Variants in REV3L observed in about 807,000 individuals in gnomAD.
REV3L encodes REV3 like, DNA directed polymerase zeta catalytic subunit, also known as DNA polymerase zeta catalytic subunit.
A neutral mutation model predicts 299.4 loss-of-function variants in REV3L; 69 were observed. The observed-to-expected ratio is 0.23, with a 90% confidence interval of 0.19 to 0.28. The LOEUF (loss-of-function observed/expected upper bound fraction) is 0.28, where lower values mean the gene tolerates loss of function less well. Ranked by LOEUF, REV3L falls within the 10% of genes least tolerant of loss-of-function variation. The probability of loss-of-function intolerance (pLI) is 1.00; values close to 1 mark genes in which losing one functional copy is unlikely to be tolerated. For synonymous variants in REV3L, 1,238 were observed against 1,271.4 expected (o/e 0.97, Z 0.56); for missense variants, 3,128 against 3,693.8 (o/e 0.85, Z 3.97).
At chr6:111,304,685 G>A (rs2114692984) in intron 31 of REV3L, among the ~76,000 whole-genome samples, 1 of 151,164 alleles carries the variant, frequency 6.6e-6, no homozygotes, top group Non-Finnish European at 1.5e-5. Flanking sequence ...TGATGTTGAG[G>A]TTTGAGCTTC....
At position 111,363,954 on chromosome 6, in the gene REV3L, G is replaced by T. The variant is rs1304019272; in HGVS notation, c.6778C>A (p.Pro2260Thr). The T allele has an allele frequency of 4.3e-6, 7 of 1,612,354 alleles. No individual in the cohort carries two copies. In the African/African-American group the frequency reaches 9.4e-5, roughly 22 times the overall value. Reference sequence around the variant, plus strand: ...TCAATCTGAGAAGTTTCTTTCTGTGGGGTATTTACTGCTGCAAATTGATTC... The same window carrying T: ...TCAATCTGAGAAGTTTCTTTCTGTGTGGTATTTACTGCTGCAAATTGATTC... ...AKNQFAAVNTPQKETSQIDGP... is the reference protein window; with the variant it reads ...AKNQFAAVNTTQKETSQIDGP... Residue 2260 changes from proline to threonine, a missense_variant, in exon 16 of 32, where the codon CCA (proline) becomes ACA (threonine). By Grantham distance (38) the Pro-to-Thr change is conservative (BLOSUM62 -1). This residue lies in a region of REV3L where 2,409 missense variants were observed against 2,611.8 expected (regional missense o/e 0.92). Transcript: ENST00000368802.
chr6:111,482,710 G>C (rs991699933), intron 1 of REV3L, 40 bp downstream of exon 1: 38 of 1,205,046 alleles, frequency 3.2e-5, no homozygotes, highest in Non-Finnish European at 3.6e-5. Context: ...CCGGCGCCCC[G>C]CCGACTCCCG....
At position 111,392,940 on chromosome 6, in the gene REV3L, T is replaced by C; in HGVS notation, c.598A>G (p.Asn200Asp). ...GCAAGAGAATTTCCTGATAAATGAT[T>C]CTTGCAGGATCCAGTTGCATGCAAT... is the stretch of plus-strand genomic sequence containing the variant. ...NTLHATGSCK[N>D]HLSGNSLADT... is the part of the protein sequence containing the mutation. Residue 200 changes from asparagine to aspartate, a missense_variant, in exon 5 of 32, where the codon AAT (asparagine) becomes GAT (aspartate). By Grantham distance (23) the Asn-to-Asp change is conservative. This residue lies in a region of REV3L where 2,409 missense variants were observed against 2,611.8 expected (regional missense o/e 0.92). Transcript: ENST00000368802. 1 of 1,612,046 alleles carries C rather than the reference T, an allele frequency of 6.2e-7. No individual in the cohort carries two copies. The highest frequency in any genetic ancestry group is 8.5e-7 in the Non-Finnish European group (1 of 1,178,252).
At chr6:111,474,984 T>TATATATACAC (rs1792738386) in intron 1 of REV3L, among the ~76,000 whole-genome samples, 1 of 13,460 alleles carries the variant, frequency 7.4e-5, no homozygotes, top group African/African-American at 2.4e-4. Context: ...TAGCTGCCTA[T>TATATATACAC]ATATACACAC....
At chr6:111,408,835 C>G (rs2128278243) in intron 3 of REV3L, among the ~76,000 whole-genome samples, 1 of 152,188 alleles carries the variant, frequency 6.6e-6, no homozygotes, top group South Asian at 2.1e-4. Flanking sequence ...TAGGTGCTTG[C>G]CACAAGCCCA....
chr6:111,423,327 C>T (rs574015606), intron 1 of REV3L, among the ~76,000 whole-genome samples: 1 of 152,238 alleles, frequency 6.6e-6, no homozygotes, highest in East Asian at 1.9e-4. Context: ...GAGGAAGTGA[C>T]ATTTGAGCTG....
At chr6:111,483,424 G>T, upstream of REV3L, 1 of 432,224 alleles carries the variant, frequency 2.3e-6, no homozygotes, top group Non-Finnish European at 4.2e-6. Flanking sequence ...GCGCCCGCGC[G>T]GGATCGATGA....
At chr6:111,312,599 C>A in intron 28 of REV3L, 1 of 152,218 alleles carries the variant, frequency 6.6e-6, no homozygotes, top group Non-Finnish European at 1.5e-5. Context: ...CACTCTCTTG[C>A]CCAGGCTGAG....
intron 1 of REV3L, among the ~76,000 whole-genome samples, chr6:111,450,731 GA>G (rs1156285967): frequency 1.3e-5 from 2 of 152,030 alleles, no homozygotes; most frequent in African/African-American, 4.8e-5. Flanking sequence ...GATAATTAAA[GA>G]AAAAAACTGT....
rs1313621728 is a variant in REV3L, at chr6:111,331,794, A to G, written c.7926-10T>C. 3 of 1,546,604 alleles carry G rather than the reference A, an allele frequency of 1.9e-6. No homozygotes were observed. The highest frequency in any genetic ancestry group is 2.7e-6 in the Non-Finnish European group (3 of 1,121,834). Reference sequence around the variant, plus strand: ...TTTGAACTCATCATACCTGTTAAGAAAGAGAACATTAAGCAAATACTTCCT... The same window carrying G: ...TTTGAACTCATCATACCTGTTAAGAGAGAGAACATTAAGCAAATACTTCCT... On this transcript the variant is annotated splice_polypyrimidine_tract_variant and intron_variant, in intron 23 of 31. Transcript: ENST00000368802.
intron 1 of REV3L, among the ~76,000 whole-genome samples, chr6:111,422,252 C>T (rs891815283): frequency 2.0e-5 from 3 of 151,984 alleles, no homozygotes; most frequent in African/African-American, 4.8e-5. Context: ...CTGCTTCCTG[C>T]CTGATTTTCT....
intron 15 of REV3L, among the ~76,000 whole-genome samples, chr6:111,364,305 A>G (rs1167508008): frequency 6.6e-6 from 1 of 152,098 alleles, no homozygotes; most frequent in Non-Finnish European, 1.5e-5. Flanking sequence ...TGGAAGTAAG[A>G]AAGACAAGCA....
chr6:111,331,782 T>C lies in REV3L; in HGVS notation c.7928A>G (p.Tyr2643Cys), dbSNP rs554806003. The C allele has an allele frequency of 8.5e-5, 135 of 1,596,194 alleles. No homozygotes were observed. Among genetic ancestry groups the C allele is most frequent in the Non-Finnish European group, 9.4e-5 (110 of 1,165,350 alleles). The stretch of plus-strand genomic sequence containing the variant: ...GGTACAGCCAAATTTGAACTCATCA[T>C]ACCTGTTAAGAAAGAGAACATTAAG... Reference protein sequence around the residue: ...CLGHVENLGKYDEFKFGCTSL... With the variant: ...CLGHVENLGKCDEFKFGCTSL... The change falls in exon 24 of 32, where the codon TAT (tyrosine) becomes TGT (cysteine). Residue 2643 changes from tyrosine (Y) to cysteine (C), a missense_variant and splice_region_variant. Tyr to Cys is a radical substitution (Grantham distance 194). This residue lies in a region of REV3L where 149 missense variants were observed against 286.4 expected (regional missense o/e 0.52). Coordinates refer to ENST00000368802, the MANE Select transcript of REV3L (RefSeq NM_001372078.1).
chr6:111,355,079 C>T (rs1013088070), intron 18 of REV3L, among the ~76,000 whole-genome samples: 2 of 151,854 alleles, frequency 1.3e-5, no homozygotes, highest in African/African-American at 4.8e-5. Flanking sequence ...GTTAATAGTC[C>T]AAGGAAATAC....
chr6:111,421,053 G>C lies in REV3L; in HGVS notation c.140-4581C>G, dbSNP rs542096711. ...TGAGGCAGGAGAATGGCGTGAACCC[G>C]GGAGGCGGAGGTTGCAGTGAGCCAA... On this transcript the variant is annotated intron_variant, in intron 1 of 31. Transcript: ENST00000368802. Among the ~76,000 whole-genome samples the C allele has an allele frequency of 5.3e-5, 8 of 152,246 alleles. No individual in the cohort carries two copies. In the South Asian group the frequency reaches 1.2e-3, roughly 24 times the overall value.
At chr6:111,408,838 C>T (rs1368562918) in intron 3 of REV3L, among the ~76,000 whole-genome samples, 1 of 152,056 alleles carries the variant, frequency 6.6e-6, no homozygotes, top group Non-Finnish European at 1.5e-5. Flanking sequence ...GTGCTTGCCA[C>T]AAGCCCAACT....
intron 4 of REV3L, among the ~76,000 whole-genome samples, chr6:111,403,907 T>C (rs758751789): frequency 6.6e-6 from 1 of 152,172 alleles, no homozygotes; most frequent in Non-Finnish European, 1.5e-5. Context: ...GCTACTCCAA[T>C]GGAACACACA....
chr6:111,483,248 G>C, upstream of REV3L: 1 of 486,030 alleles, frequency 2.1e-6, no homozygotes, highest in Non-Finnish European at 3.6e-6. Context: ...AGGGGAGAGG[G>C]GGGTGTGTGT....
At chr6:111,387,716 C>T (rs1221275515) in intron 9 of REV3L, 49 bp downstream of exon 9, 1 of 1,528,732 alleles carries the variant, frequency 6.5e-7, no homozygotes, top group South Asian at 1.1e-5. Context: ...CATCTCAGTG[C>T]TAGATATCTG....
Sources: allele counts gnomAD v4.1 joint callset (sites outside exome capture counted in the v4.1 genomes callset), GRCh38; gene constraint gnomAD v4.1.1; regional missense constraint gnomAD v4.1.1; transcripts MANE v1.5; gene names NCBI Gene and HGNC (gene_info 2026-07-23, HGNC 2026-07-21).